RNLS: variants seen among roughly 807,000 people sequenced by gnomAD.
The protein encoded by RNLS is renalase, FAD dependent amine oxidase.
RNLS carries 39 observed loss-of-function variants against 39.8 expected under a neutral mutation model. The ratio of observed to expected loss-of-function variants is 0.98; its 90% CI spans 0.76 to 1.28. The LOEUF (loss-of-function observed/expected upper bound fraction) is 1.28. Ranked by LOEUF, RNLS falls within the 50% of genes most tolerant of loss-of-function variation. The pLI is 0.00. For synonymous variants in RNLS, 147 were observed against 150.7 expected, an observed-to-expected ratio of 0.98 and a Z score of 0.18; for missense variants, 410 against 413.3, an observed-to-expected ratio of 0.99 and a Z score of 0.07.
chr10:88,241,216 G>T, the RNLS span, among the ~76,000 whole-genome samples: 1 of 148,230 alleles, frequency 6.7e-6, no homozygotes, highest in African/African-American at 2.5e-5. Flanking sequence ...ATGGTTATTT[G>T]TTAGGGGTTA....
Position 88,541,845 on chromosome 10 carries a change from G to A in RNLS, c.526+31058C>T, listed in dbSNP as rs139120270. 2.2e-4 allele frequency among the ~76,000 whole-genome samples: 33 copies of A among 152,178 alleles called. No individual in the cohort carries two copies. In the East Asian group the frequency reaches 4.8e-3, roughly 22 times the overall value. ...TCCTGCCTTTGAAGTTTATTTGAGGGTTCTTTATAGTGGAGGGAGCCTAGG... is the reference window on the plus strand; with the variant it reads ...TCCTGCCTTTGAAGTTTATTTGAGGATTCTTTATAGTGGAGGGAGCCTAGG... On this transcript the variant is annotated intron_variant, in intron 4 of 6. Coordinates refer to ENST00000331772, the MANE Select transcript of RNLS (RefSeq NM_001031709.3).
Position 88,315,395 on chromosome 10 carries a change from CTT to C in RNLS, c.701-756_701-755del, listed in dbSNP as rs758754573. The stretch of plus-strand genomic sequence containing the variant: ...TTGAAAGAAACCTAAGTAACTGACT[CTT>C]TAGAAAGCACCATCTTGGAAGAATG... On this transcript the variant is annotated intron_variant, in intron 5 of 6. Transcript: ENST00000331772. Among the ~76,000 whole-genome samples the C allele has an allele frequency of 2.6e-5, 4 of 152,262 alleles. No individual in the cohort carries two copies. In the East Asian group the frequency reaches 7.7e-4, roughly 29 times the overall value.
At chr10:88,467,532 A>AC (rs1843282943) in intron 4 of RNLS, among the ~76,000 whole-genome samples, 1 of 152,066 alleles carries the variant, frequency 6.6e-6, no homozygotes, top group Non-Finnish European at 1.5e-5. Flanking sequence ...CCAAAAGCAC[A>AC]CCTGGTGCCT....
At chr10:88,215,634 TC>T in the RNLS span, among the ~76,000 whole-genome samples, 1 of 151,484 alleles carries the variant, frequency 6.6e-6, no homozygotes, top group South Asian at 2.1e-4. Context: ...ATGTTGCTGC[TC>T]CTCACATTTA....
At chr10:88,488,466 A>G (rs1844682063) in intron 4 of RNLS, among the ~76,000 whole-genome samples, 1 of 150,696 alleles carries the variant, frequency 6.6e-6, no homozygotes, top group South Asian at 2.1e-4. Flanking sequence ...GAATTGCTTG[A>G]ACCTGGGAGG....
chr10:88,256,320 T>G, the RNLS span, among the ~76,000 whole-genome samples: 4 of 152,238 alleles, frequency 2.6e-5, no homozygotes, highest in Admixed American at 6.5e-5. Flanking sequence ...TCCAGTGTTC[T>G]CCAGCGAGCA....
the RNLS span, among the ~76,000 whole-genome samples, chr10:88,178,249 G>A: frequency 6.6e-6 from 1 of 152,186 alleles, no homozygotes; most frequent in Admixed American, 6.5e-5. Flanking sequence ...TCCCAGGGAT[G>A]TGGAAATGTT....
At chr10:88,297,637 A>C (rs1844185987) in intron 6 of RNLS, among the ~76,000 whole-genome samples, 1 of 152,160 alleles carries the variant, frequency 6.6e-6, no homozygotes, top group Non-Finnish European at 1.5e-5. Context: ...ACATGTTTTC[A>C]AGGTTCATTC....
intron 4 of RNLS, among the ~76,000 whole-genome samples, chr10:88,391,951 GC>G (rs1180330073): frequency 1.3e-5 from 2 of 152,214 alleles, no homozygotes; most frequent in Non-Finnish European, 2.9e-5. Context: ...CAGTCTGGCA[GC>G]CCCCGGAGGG....
chr10:88,275,894 C>T (rs1043452994), intron 6 of RNLS, among the ~76,000 whole-genome samples: 5 of 151,042 alleles, frequency 3.3e-5, no homozygotes, highest in Admixed American at 2.0e-4. Context: ...ATTAGAACAA[C>T]AACAAAAAAA....
chr10:88,357,615 C>G (rs1157393510), intron 5 of RNLS, among the ~76,000 whole-genome samples: 2 of 152,160 alleles, frequency 1.3e-5, no homozygotes, highest in African/African-American at 4.8e-5. Flanking sequence ...TAGAAACTGG[C>G]TAGATGTTCA....
chr10:88,343,795 A>G (rs1414407148), intron 5 of RNLS: 3 of 985,290 alleles, frequency 3.0e-6, no homozygotes, highest in Admixed American at 1.2e-4. Flanking sequence ...AGTCTGTTGC[A>G]GCTTTTATTT....
At chr10:88,519,007 T>C (rs546098450) in intron 4 of RNLS, among the ~76,000 whole-genome samples, 1 of 152,194 alleles carries the variant, frequency 6.6e-6, no homozygotes, top group East Asian at 1.9e-4. Context: ...ACTTTCTCCA[T>C]CTTCCACATT....
At chr10:88,421,882 T>A (rs1854430448) in intron 4 of RNLS, among the ~76,000 whole-genome samples, 1 of 152,136 alleles carries the variant, frequency 6.6e-6, no homozygotes, top group East Asian at 1.9e-4. Context: ...CCTCCTCCTC[T>A]CTTAAGAAGC....
At chr10:88,418,471 A>G (rs1489088325) in intron 4 of RNLS, among the ~76,000 whole-genome samples, 3 of 152,334 alleles carry the variant, frequency 2.0e-5, no homozygotes, top group South Asian at 2.1e-4. Context: ...ACATTGTGCT[A>G]TACCTGTGAA....
intron 4 of RNLS, among the ~76,000 whole-genome samples, chr10:88,556,379 T>C (rs1848878093): frequency 6.6e-6 from 1 of 152,200 alleles, no homozygotes; most frequent in Non-Finnish European, 1.5e-5. Context: ...GCCACCATCA[T>C]TTCTGGTCTC....
At chr10:88,456,923 T>C (rs951783118) in intron 4 of RNLS, among the ~76,000 whole-genome samples, 59 of 152,300 alleles carry the variant, frequency 3.9e-4, no homozygotes, top group South Asian at 1.9e-3. Context: ...ACAATATCAG[T>C]GGCTTTTAGA....
At chr10:88,489,109 G>T (rs1268191660) in intron 4 of RNLS, among the ~76,000 whole-genome samples, 1 of 152,016 alleles carries the variant, frequency 6.6e-6, no homozygotes, top group Non-Finnish European at 1.5e-5. Flanking sequence ...CAAATGATTT[G>T]TTTTTTCTAT....
the RNLS span, among the ~76,000 whole-genome samples, chr10:88,192,634 T>C: frequency 1.3e-5 from 2 of 152,206 alleles, no homozygotes; most frequent in African/African-American, 2.4e-5. Context: ...GGACCCTGAA[T>C]GCGTTCATGG....
Sources: gnomAD v4.1 joint callset for allele counts (sites outside exome capture counted in the v4.1 genomes callset) on GRCh38, gnomAD v4.1.1 for gene constraint, MANE v1.5 for transcripts, NCBI Gene and HGNC (gene_info 2026-07-23, HGNC 2026-07-21) for gene names.